Variants in CCDC146 observed in about 807,000 individuals in gnomAD.
CCDC146 encodes the protein coiled-coil domain containing 146.
In CCDC146, 92 loss-of-function variants were observed where a neutral mutation model predicts 119.3. The ratio of observed to expected loss-of-function variants is 0.77; its 90% confidence interval spans 0.65 to 0.92. CCDC146 has a LOEUF of 0.92. CCDC146 is among the 40% of genes least tolerant of loss of function. CCDC146 has a pLI of 0.00. For missense variants in CCDC146, 1,000 were observed against 1,103.0 expected (o/e 0.91, Z 1.32); for synonymous variants, 372 against 371.8 (o/e 1.00, Z -0.01).
At chr7:77,278,670 T>G in intron 11 of CCDC146, 82 bp from the exon 12 acceptor site, 2 of 989,878 alleles carry the variant, frequency 2.0e-6, no homozygotes, top group South Asian at 2.9e-5. Flanking sequence ...GAGAATTGTC[T>G]TTAATGGAAG....
At chr7:77,269,265 T>C (rs900572028) in intron 9 of CCDC146, among the ~76,000 whole-genome samples, 5 of 152,116 alleles carry the variant, frequency 3.3e-5, no homozygotes, top group African/African-American at 1.2e-4. Context: ...TTCCTTGTGC[T>C]CTCTTTGTTC....
chr7:77,133,306 T>C (rs1025942407), intron 1 of CCDC146, among the ~76,000 whole-genome samples: 35 of 152,234 alleles, frequency 2.3e-4, no homozygotes, highest in Non-Finnish European at 5.0e-4. Context: ...ACTTTAATAA[T>C]GAAAGACTGA....
rs1291659090 is a variant in CCDC146 at position 77,271,496 on chromosome 7, C to CAT, written c.1174-2197_1174-2196insTA. 2.4e-5 allele frequency among the ~76,000 whole-genome samples: 3 copies of CAT among 126,556 alleles called. No individual in the cohort carries two copies. In the East Asian group the frequency reaches 7.1e-4, roughly 30 times the overall value. The allele number at this position is 126,556 out of a possible 152,430, so 83.0% of individuals were successfully genotyped here. A position where few individuals can be genotyped will look rare whatever the true frequency, so the allele number is the denominator to read the frequency against. On this transcript the variant is annotated intron_variant, in intron 9 of 18. Transcript: ENST00000285871. Reference sequence around the variant, plus strand: ...TTTTTATTTTATATATATATATATACACACACACTAATAGGAGATATATAT... The same window carrying CAT: ...TTTTTATTTTATATATATATATATACATACACACACTAATAGGAGATATATAT...
chr7:77,260,817 G>A (rs1477079551), intron 8 of CCDC146, among the ~76,000 whole-genome samples: 4 of 151,778 alleles, frequency 2.6e-5, no homozygotes, highest in African/African-American at 9.7e-5. Flanking sequence ...TCTCATTAGA[G>A]ACAGGGTATC....
chr7:77,278,435 ATTTTTT>A (rs140968354), intron 11 of CCDC146, among the ~76,000 whole-genome samples: 6 of 103,342 alleles, frequency 5.8e-5, no homozygotes, highest in African/African-American at 8.6e-5. Flanking sequence ...CCAAGAAATA[ATTTTTT>A]TTTTTTTTTT....
intron 2 of CCDC146, among the ~76,000 whole-genome samples, chr7:77,215,186 T>G (rs1360871698): frequency 8.0e-6 from 1 of 125,144 alleles, no homozygotes; most frequent in Non-Finnish European, 1.6e-5. Context: ...TTTATTTTTT[T>G]GGTGTTTTTT....
At position 77,294,899 on chromosome 7, in the gene CCDC146, A is replaced by G. The variant is rs1133045; in HGVS notation, c.*33A>G. ...AACAAATCCAGGCCTCTCAAGGAAAAGACTTCAACCAGGCTTCCTTGTACC... is the reference window on the plus strand; with the variant it reads ...AACAAATCCAGGCCTCTCAAGGAAAGGACTTCAACCAGGCTTCCTTGTACC... On this transcript the variant is annotated 3_prime_UTR_variant, in exon 19 of 19. Coordinates refer to ENST00000285871, the MANE Select transcript of CCDC146 (RefSeq NM_020879.3). The G allele has an allele frequency of 0.1, 161,131 of 1,574,022 alleles. 9,138 individuals are homozygous for G. The highest frequency in any genetic ancestry group is 0.11 in the Non-Finnish European group (129,146 of 1,149,928).
At chr7:77,123,985 T>C (rs1452529096) in intron 1 of CCDC146, among the ~76,000 whole-genome samples, 1 of 152,210 alleles carries the variant, frequency 6.6e-6, no homozygotes, top group African/African-American at 2.4e-5. Flanking sequence ...TTTATGAAAA[T>C]TGACAGGTGT....
intron 2 of CCDC146, among the ~76,000 whole-genome samples, chr7:77,213,549 G>A (rs1792244201): frequency 6.6e-6 from 1 of 152,092 alleles, no homozygotes; most frequent in Non-Finnish European, 1.5e-5. Context: ...ATAATGTTGG[G>A]TTTGGCTTTC....
chr7:77,160,488 C>G (rs1431106472), intron 1 of CCDC146, among the ~76,000 whole-genome samples: 1 of 151,998 alleles, frequency 6.6e-6, no homozygotes, highest in African/African-American at 2.4e-5. Context: ...CCTTCACGTC[C>G]CTTGTAAGTT....
chr7:77,135,239 G>C (rs1790845147), intron 1 of CCDC146, among the ~76,000 whole-genome samples: 2 of 152,200 alleles, frequency 1.3e-5, no homozygotes, highest in African/African-American at 4.8e-5. Context: ...TTTAATCCCA[G>C]CACTTTGGGA....
chr7:77,133,141 A>G (rs1256811455), intron 1 of CCDC146, among the ~76,000 whole-genome samples: 2 of 152,046 alleles, frequency 1.3e-5, no homozygotes, highest in Admixed American at 6.5e-5. Flanking sequence ...ACTGCACTCC[A>G]GCCTGAGTGA....
chr7:77,147,849 C>T (rs900943921), intron 1 of CCDC146, among the ~76,000 whole-genome samples: 3 of 152,226 alleles, frequency 2.0e-5, no homozygotes, highest in Non-Finnish European at 2.9e-5. Flanking sequence ...TTAGGCTACT[C>T]GGAGGTCAGG....
intron 2 of CCDC146, among the ~76,000 whole-genome samples, chr7:77,218,177 CATT>C (rs1489053384): frequency 5.3e-5 from 8 of 152,232 alleles, no homozygotes; most frequent in South Asian, 2.1e-4. Flanking sequence ...TGTGGTCCAT[CATT>C]GACTGAAATG....
intron 17 of CCDC146, among the ~76,000 whole-genome samples, chr7:77,289,313 G>A (rs1232089547): frequency 2.0e-5 from 3 of 152,160 alleles, no homozygotes; most frequent in East Asian, 3.8e-4. Flanking sequence ...TGTACATAGC[G>A]GCCGCTTCCC....
At chr7:77,212,428 C>T (rs1374756086) in intron 2 of CCDC146, among the ~76,000 whole-genome samples, 3 of 151,500 alleles carry the variant, frequency 2.0e-5, no homozygotes, top group African/African-American at 4.8e-5. Context: ...GAGACCATCC[C>T]GGCTAACATG....
At chr7:77,287,114 C>A in intron 16 of CCDC146, 188 bp downstream of exon 16, 2 of 715,372 alleles carry the variant, frequency 2.8e-6, no homozygotes, top group African/African-American at 1.8e-5. Context: ...AAAGAAGTTC[C>A]AATCCAGTGG....
At chr7:77,258,676 T>G (rs1793228029) in intron 6 of CCDC146, among the ~76,000 whole-genome samples, 1 of 152,172 alleles carries the variant, frequency 6.6e-6, no homozygotes, top group South Asian at 2.1e-4. Context: ...ATTTTCAACT[T>G]AAGGTAGTTT....
At chr7:77,189,901 C>A (rs1464454616) in intron 2 of CCDC146, among the ~76,000 whole-genome samples, 1 of 152,130 alleles carries the variant, frequency 6.6e-6, no homozygotes, top group Non-Finnish European at 1.5e-5. Context: ...TGAAACAGCA[C>A]CCCCTTTTCT....
Sources: allele counts gnomAD v4.1 joint callset (sites outside exome capture counted in the v4.1 genomes callset), GRCh38; gene constraint gnomAD v4.1.1; transcripts MANE v1.5; gene names NCBI Gene and HGNC (gene_info 2026-07-23, HGNC 2026-07-21).